The following ADD1 variants were observed in gnomAD, a reference collection of about 807,000 sequenced individuals.
The protein encoded by ADD1 is alpha-adducin.
In ADD1, 24 loss-of-function variants were observed where a neutral mutation model predicts 80.5. The observed-to-expected ratio is 0.30, with a 90% confidence interval of 0.22 to 0.42. ADD1 has a LOEUF of 0.42. Ranked by LOEUF, ADD1 falls within the 10% of genes least tolerant of loss-of-function variation. ADD1 has a pLI of 1.00. For synonymous variants in ADD1, 373 were observed against 393.8 expected (o/e 0.95, Z 0.63); for missense variants, 948 against 1,019.0 (o/e 0.93, Z 0.95).
chr4:2,925,966 T>G, intron 14 of ADD1, 48 bp from the exon 15 acceptor site: 2 of 1,557,492 alleles, frequency 1.3e-6, no homozygotes, highest in East Asian at 2.3e-5. Flanking sequence ...TACAGGCTCA[T>G]GGCGTGGCGT....
At chr4:2,852,696 CTTT>C (rs1312991635) in intron 1 of ADD1, among the ~76,000 whole-genome samples, 3 of 118,680 alleles carry the variant, frequency 2.5e-5, no homozygotes. Context: ...CAGGAAATAT[CTTT>C]TTTTTTTTTT....
At position 2,909,224 on chromosome 4, in the gene ADD1, T is replaced by C. The variant is rs530664512; in HGVS notation, c.1699-115T>C. ...CGTCCTGCCATCATCACTGCCACACTTACTGTTGACAGCTGTCCCTGCTGC... is the reference window on the plus strand; with the variant it reads ...CGTCCTGCCATCATCACTGCCACACCTACTGTTGACAGCTGTCCCTGCTGC... On this transcript the variant is annotated intron_variant, in intron 12 of 15. Coordinates refer to ENST00000683351, the MANE Select transcript of ADD1 (RefSeq NM_001354761.2). 1,505 of 853,192 alleles carry C rather than the reference T, an allele frequency of 1.8e-3. 4 individuals carry two copies. The highest frequency in any genetic ancestry group is 2.6e-3 in the Non-Finnish European group (1,363 of 525,096). The allele number at this position is 853,192 out of a possible 1,614,324, so 52.9% of individuals were successfully genotyped here.
intron 1 of ADD1, among the ~76,000 whole-genome samples, chr4:2,848,441 C>T (rs1050880513): frequency 6.6e-6 from 1 of 152,074 alleles, no homozygotes; most frequent in East Asian, 1.9e-4. Context: ...TAACTGTCAG[C>T]TTAAACATGT....
At chr4:2,855,789 C>T (rs1234320131) in intron 1 of ADD1, among the ~76,000 whole-genome samples, 4 of 151,934 alleles carry the variant, frequency 2.6e-5, no homozygotes, top group Admixed American at 2.0e-4. Flanking sequence ...CAGCCTTGAC[C>T]TCCTGAGCTT....
intron 1 of ADD1, among the ~76,000 whole-genome samples, chr4:2,860,420 GT>G (rs1327339773): frequency 6.6e-6 from 1 of 152,210 alleles, no homozygotes; most frequent in Non-Finnish European, 1.5e-5. Context: ...AATTTGGAGT[GT>G]TTTAGTTTGT....
intron 12 of ADD1, 120 bp from the exon 13 acceptor site, chr4:2,909,219 C>G: frequency 2.4e-6 from 2 of 816,418 alleles, no homozygotes; most frequent in Non-Finnish European, 4.0e-6. Flanking sequence ...TCATCACTGC[C>G]ACACTTACTG....
At chr4:2,912,028 A>T (rs1437795368) in intron 13 of ADD1, among the ~76,000 whole-genome samples, 2 of 152,230 alleles carry the variant, frequency 1.3e-5, no homozygotes, top group Admixed American at 1.3e-4. Flanking sequence ...ATGCCAGTCC[A>T]GATCCAAGTT....
intron 14 of ADD1, among the ~76,000 whole-genome samples, chr4:2,922,547 G>A (rs1012300627): frequency 1.2e-4 from 18 of 152,328 alleles, no homozygotes; most frequent in African/African-American, 4.1e-4. Flanking sequence ...GATGCCAGCT[G>A]GAGCTCTCCT....
intron 14 of ADD1, among the ~76,000 whole-genome samples, chr4:2,922,377 C>T (rs764331757): frequency 2.6e-5 from 4 of 152,114 alleles, no homozygotes; most frequent in Non-Finnish European, 5.9e-5. Flanking sequence ...GTTAGTTTTC[C>T]TTCTAACAGA....
chr4:2,867,628 G>T (rs557979682), intron 1 of ADD1, among the ~76,000 whole-genome samples: 1 of 152,284 alleles, frequency 6.6e-6, no homozygotes, highest in Non-Finnish European at 1.5e-5. Flanking sequence ...TTGTATAAAA[G>T]ACTTAATAAA....
At chr4:2,880,696 C>T (rs1165719977) in intron 2 of ADD1, among the ~76,000 whole-genome samples, 3 of 151,872 alleles carry the variant, frequency 2.0e-5, no homozygotes, top group South Asian at 2.1e-4. Context: ...AGGATGGTCT[C>T]GATCTCCTGA....
chr4:2,924,901 A>C (rs1740710915), intron 14 of ADD1, among the ~76,000 whole-genome samples: 1 of 152,152 alleles, frequency 6.6e-6, no homozygotes, highest in Non-Finnish European at 1.5e-5. Flanking sequence ...TGCCCTTTGG[A>C]GTCTCCTGGG....
rs1255881568 is a variant in ADD1 at position 2,888,330 on chromosome 4, C to T, written c.510+3664C>T. Among the ~76,000 whole-genome samples the T allele has an allele frequency of 4.6e-5, 7 of 151,900 alleles. 1 individual carries two copies. The highest frequency in any genetic ancestry group is 5.9e-5 in the Non-Finnish European group (4 of 67,958). ...CTGGCCTCAAGCGATCCGCCTGCCT[C>T]GGCCTCCCAAAGTGCTGGGATTACA... On this transcript the variant is annotated intron_variant, in intron 4 of 15. Coordinates refer to ENST00000683351, the MANE Select transcript of ADD1 (RefSeq NM_001354761.2).
chr4:2,875,471 G>T (rs1337956142), intron 1 of ADD1, among the ~76,000 whole-genome samples: 1 of 152,036 alleles, frequency 6.6e-6, no homozygotes, highest in Non-Finnish European at 1.5e-5. Context: ...AACCACTGCT[G>T]GTACCTTATG....
chr4:2,919,457 G>T (rs545618022), intron 14 of ADD1, among the ~76,000 whole-genome samples: 27 of 152,108 alleles, frequency 1.8e-4, no homozygotes, highest in Non-Finnish European at 2.6e-4. Flanking sequence ...CTGTGAATCC[G>T]TCTGGTCCTG....
chr4:2,898,692 T>C, intron 8 of ADD1, 161 bp downstream of exon 8: 1 of 651,810 alleles, frequency 1.5e-6, no homozygotes, highest in Non-Finnish European at 2.7e-6. Flanking sequence ...ACAAATGCTG[T>C]TTCACTGATT....
chr4:2,859,949 T>C (rs1728611157), intron 1 of ADD1, among the ~76,000 whole-genome samples: 4 of 151,258 alleles, frequency 2.6e-5, no homozygotes, highest in East Asian at 2.0e-4. Flanking sequence ...AGGAGAAACA[T>C]TCTCAGGTTA....
chr4:2,854,437 A>G (rs1267214377), intron 1 of ADD1, among the ~76,000 whole-genome samples: 5 of 152,184 alleles, frequency 3.3e-5, no homozygotes, highest in Non-Finnish European at 7.4e-5. Context: ...TGCATTGCTC[A>G]TATTTCCTAT....
At chr4:2,921,833 C>G (rs1255674321) in intron 14 of ADD1, among the ~76,000 whole-genome samples, 2 of 151,916 alleles carry the variant, frequency 1.3e-5, no homozygotes, top group African/African-American at 4.8e-5. Flanking sequence ...TTTGTTCATT[C>G]CTTTTCATTC....
Sources: allele counts gnomAD v4.1 joint callset (sites outside exome capture counted in the v4.1 genomes callset), GRCh38; gene constraint gnomAD v4.1.1; transcripts MANE v1.5; gene names NCBI Gene and HGNC (gene_info 2026-07-23, HGNC 2026-07-21).